The following APOBEC3G variants were observed in gnomAD, a reference collection of about 807,000 sequenced individuals.
APOBEC3G encodes apolipoprotein B mRNA editing enzyme catalytic subunit 3G, also known as DNA dC->dU-editing enzyme APOBEC-3G.
Under a neutral mutation model 50.0 loss-of-function variants are expected in APOBEC3G, and 44 were observed. The ratio of observed to expected loss-of-function variants is 0.88; its 90% CI spans 0.69 to 1.13. APOBEC3G has a LOEUF of 1.13. APOBEC3G is among the 50% of genes most tolerant of loss of function. APOBEC3G has a pLI of 0.00. For missense variants in APOBEC3G, 469 were observed against 492.0 expected, an observed-to-expected ratio of 0.95 and a Z score of 0.44; for synonymous variants, 156 against 175.3, an observed-to-expected ratio of 0.89 and a Z score of 0.87.
chr22:39,086,214 C>T (rs1329042644), intron 5 of APOBEC3G, 65 bp from the exon 6 acceptor site: 3 of 1,504,306 alleles, frequency 2.0e-6, no homozygotes, highest in East Asian at 4.5e-5. Flanking sequence ...CCAGCCTGGG[C>T]AACAAGAGTG....
intron 2 of APOBEC3G, chr22:39,079,408 C>T (rs772041591): frequency 6.2e-5 from 15 of 240,304 alleles, no homozygotes; most frequent in Admixed American, 1.1e-4. Flanking sequence ...ACCTCTGCCT[C>T]CTGGGTTCAA....
chr22:39,084,025 TG>T (rs1262198647), intron 5 of APOBEC3G, 141 bp downstream of exon 5: 19 of 1,147,480 alleles, frequency 1.7e-5, no homozygotes, highest in Non-Finnish European at 2.3e-5. Context: ...TGCTTGGCCC[TG>T]GGGTTGGGGG....
rs142875198 is a variant in APOBEC3G at position 39,078,799 on chromosome 22, G to A, written c.18-133G>A. The A allele has an allele frequency of 3.9e-3, 5,161 of 1,330,992 alleles. 171 individuals carry two copies. The Admixed American group carries it at 0.06, about 15-fold the overall frequency. The allele number at this position is 1,330,992 out of a possible 1,614,324, so 82.4% of individuals were successfully genotyped here. ...GCGATCTTGGCTCACTACAGTCTCCGCCGAAATTCTCAGGGGAGGGGAGGG... is the reference window on the plus strand; with the variant it reads ...GCGATCTTGGCTCACTACAGTCTCCACCGAAATTCTCAGGGGAGGGGAGGG... On this transcript the variant is annotated intron_variant, in intron 1 of 7. Coordinates refer to ENST00000407997, the MANE Select transcript of APOBEC3G (RefSeq NM_021822.4).
At chr22:39,085,099 C>T (rs780017166) in intron 5 of APOBEC3G, among the ~76,000 whole-genome samples, 5 of 152,196 alleles carry the variant, frequency 3.3e-5, no homozygotes, top group Non-Finnish European at 5.9e-5. Flanking sequence ...CATTCTACCC[C>T]GAGTCCTCTC....
chr22:39,086,160 C>A, intron 5 of APOBEC3G, 119 bp from the exon 6 acceptor site: 1 of 1,152,450 alleles, frequency 8.7e-7, no homozygotes. Flanking sequence ...CAAAATTAGC[C>A]TGGTGTGGTG....
At chr22:39,078,147 T>C (rs1601517045) in intron 1 of APOBEC3G, among the ~76,000 whole-genome samples, 1 of 152,070 alleles carries the variant, frequency 6.6e-6, no homozygotes, top group East Asian at 1.9e-4. Flanking sequence ...TAATCGCAGC[T>C]ACTTGGGAGT....
chr22:39,077,920 C>T (rs1254865552), intron 1 of APOBEC3G, among the ~76,000 whole-genome samples: 4 of 152,188 alleles, frequency 2.6e-5, no homozygotes, highest in African/African-American at 9.7e-5. Flanking sequence ...AACACACGCT[C>T]CTCCTCCACT....
Position 39,086,524 on chromosome 22 carries a change from C to A in APOBEC3G, c.981C>A (p.Thr327=). The change falls in exon 6 of 8, where the codon ACC becomes ACA. Residue 327 remains threonine (T), a synonymous_variant. Coordinates refer to ENST00000407997, the MANE Select transcript of APOBEC3G (RefSeq NM_021822.4). ...DQGRCQEGLR[T]LAEAGAKISI... ...GAAGATGTCAGGAGGGGCTGCGCACCCTGGCCGAGGCTGGGGCCAAAATTT... is the reference window on the plus strand; with the variant it reads ...GAAGATGTCAGGAGGGGCTGCGCACACTGGCCGAGGCTGGGGCCAAAATTT... 1 of 1,611,790 alleles carries A rather than the reference C, an allele frequency of 6.2e-7. No individual in the cohort carries two copies. The highest frequency in any genetic ancestry group is 8.5e-7 in the Non-Finnish European group (1 of 1,178,410).
At chr22:39,086,604 A>G (rs1928708534) in intron 6 of APOBEC3G, 37 bp downstream of exon 6, 2 of 1,547,484 alleles carry the variant, frequency 1.3e-6, no homozygotes, top group Non-Finnish European at 1.7e-6. Context: ...GGGGTCAGCC[A>G]GGGCAGGAGA....
chr22:39,078,939 G>A lies in APOBEC3G; in HGVS notation c.25G>A (p.Val9Met), dbSNP rs56033202. The change falls in exon 2 of 8, where the codon GTG (valine) becomes ATG (methionine). Residue 9 changes from valine (V) to methionine (M), a missense_variant. Coordinates refer to ENST00000407997, the MANE Select transcript of APOBEC3G (RefSeq NM_021822.4). ...TCTCTCTTGTGTCTTCAGAAACACAGTGGAGCGAATGTATCGAGACACATT... is the reference window on the plus strand; with the variant it reads ...TCTCTCTTGTGTCTTCAGAAACACAATGGAGCGAATGTATCGAGACACATT... MKPHFRNT[V>M]ERMYRDTFSY... 9,817 of 1,613,864 alleles carry A rather than the reference G, an allele frequency of 6.1e-3. 52 individuals carry two copies. The highest frequency in any genetic ancestry group is 7.0e-3 in the Non-Finnish European group (8,304 of 1,179,814).
intron 4 of APOBEC3G, among the ~76,000 whole-genome samples, chr22:39,083,497 T>C (rs1928562860): frequency 1.3e-5 from 2 of 152,146 alleles, no homozygotes; most frequent in Admixed American, 6.5e-5. Flanking sequence ...TGACAAGGCT[T>C]AGACAGGCCC....
chr22:39,083,965 C>A (rs1308911709), intron 5 of APOBEC3G, 81 bp downstream of exon 5: 1 of 1,506,132 alleles, frequency 6.6e-7, no homozygotes, highest in African/African-American at 1.4e-5. Flanking sequence ...TGGGTGGTAC[C>A]TGTGGTGTCC....
intron 4 of APOBEC3G, 149 bp from the exon 5 acceptor site, chr22:39,083,582 G>A (rs1315827442): frequency 6.0e-5 from 54 of 905,358 alleles, no homozygotes; most frequent in African/African-American, 1.7e-5. Context: ...GCAAGTGAGT[G>A]GGAGCCCCTT....
chr22:39,077,876 C>G (rs775913422), intron 1 of APOBEC3G, among the ~76,000 whole-genome samples: 1 of 152,174 alleles, frequency 6.6e-6, no homozygotes, highest in Non-Finnish European at 1.5e-5. Context: ...AAGGATGTCT[C>G]CACTGTGGGC....
At position 39,077,390 on chromosome 22, in the gene APOBEC3G, C is replaced by T. The variant is rs369926998; in HGVS notation, c.17+12C>T. ...AAGCCTCACTTCAGGTACCGCTGCC[C>T]GCTCTACCCACTGGGCCCCTCTGCT... is the stretch of plus-strand genomic sequence containing the variant. On this transcript the variant is annotated intron_variant, in intron 1 of 7. Transcript: ENST00000407997. The T allele has an allele frequency of 5.5e-5, 87 of 1,581,244 alleles. No homozygotes were observed. The highest frequency in any genetic ancestry group is 7.0e-5 in the Non-Finnish European group (81 of 1,163,384).
intron 1 of APOBEC3G, 87 bp downstream of exon 1, chr22:39,077,465 T>TGCCCCA (rs1355074467): frequency 3.9e-6 from 6 of 1,549,388 alleles, no homozygotes; most frequent in South Asian, 1.2e-5. Context: ...GGCCTTCCCC[T>TGCCCCA]GCCCCAGCCC....
intron 4 of APOBEC3G, chr22:39,082,389 C>T (rs951554064): frequency 7.9e-5 from 12 of 152,280 alleles, no homozygotes; most frequent in African/African-American, 2.9e-4. Flanking sequence ...TTTGGGAGTC[C>T]AAGGCGGGTG....
intron 5 of APOBEC3G, among the ~76,000 whole-genome samples, chr22:39,085,390 G>A (rs28537571): frequency 0.13 from 19,642 of 152,040 alleles, 2,941 homozygotes; most frequent in African/African-American, 0.37. Flanking sequence ...CGGGTAGACA[G>A]GTCAGCCTCC....
Position 39,081,142 on chromosome 22 carries a change from G to A in APOBEC3G, c.381G>A (p.Trp127Ter). The change falls in exon 3 of 8, where the codon TGG becomes TGA. Residue 127 changes from tryptophan (W) to a stop codon, truncating the protein, a stop_gained. Coordinates refer to ENST00000407997, the MANE Select transcript of APOBEC3G (RefSeq NM_021822.4). LOFTEE classifies it high-confidence loss of function. ...TTGTTGCCCGCCTCTACTACTTCTG[G>A]GACCCAGATTACCAGGAGGCGCTTC... ...TIFVARLYYF[W>*]DPDYQEALRS... 6.2e-7 allele frequency: 1 copy of A among 1,614,232 alleles called. No homozygotes were observed. Among genetic ancestry groups the A allele is most frequent in the East Asian group, 2.2e-5 (1 of 44,884 alleles).
Sources: allele counts gnomAD v4.1 joint callset (sites outside exome capture counted in the v4.1 genomes callset), GRCh38; gene constraint gnomAD v4.1.1; transcripts MANE v1.5; gene names NCBI Gene and HGNC (gene_info 2026-07-23, HGNC 2026-07-21).